GRID2: variants seen among roughly 807,000 people sequenced by gnomAD.
The protein encoded by GRID2 is glutamate receptor ionotropic, delta-2.
A neutral mutation model predicts 114.8 loss-of-function variants in GRID2; 33 were observed. The ratio of observed to expected loss-of-function variants is 0.29; its 90% CI spans 0.22 to 0.38. The LOEUF (loss-of-function observed/expected upper bound fraction) is 0.38. Ranked by LOEUF, GRID2 falls within the 10% of genes least tolerant of loss-of-function variation. The probability of loss-of-function intolerance (pLI) is 1.00; values close to 1 mark genes in which losing one functional copy is unlikely to be tolerated. For synonymous variants in GRID2, 505 were observed against 449.9 expected, an observed-to-expected ratio of 1.12 and a Z score of -1.55; for missense variants, 1,184 against 1,257.7, an observed-to-expected ratio of 0.94 and a Z score of 0.89.
Position 93,571,943 on chromosome 4 carries a change from G to A in GRID2, c.2194-54326G>A, listed in dbSNP as rs1248286376. On this transcript the variant is annotated intron_variant, in intron 13 of 15. Coordinates refer to ENST00000282020, the MANE Select transcript of GRID2 (RefSeq NM_001510.4). ...GGAAAAAAGGATAGTGGATGGATCA[G>A]GCTTAATCGCAGAAAAGGTTTCATG... Among the ~76,000 whole-genome samples, 7 of 152,092 alleles carry A rather than the reference G, an allele frequency of 4.6e-5. No homozygotes were observed. The East Asian group carries it at 1.3e-3, about 29-fold the overall frequency.
chr4:92,752,536 G>C (rs34786120), intron 2 of GRID2, among the ~76,000 whole-genome samples: 13,060 of 152,128 alleles, frequency 0.086, 636 homozygotes, highest in African/African-American at 0.13. Context: ...GTTCATGGGC[G>C]TAGAGAGATA....
chr4:93,681,931 G>A (rs1446801673), intron 14 of GRID2, among the ~76,000 whole-genome samples: 2 of 150,986 alleles, frequency 1.3e-5, no homozygotes, highest in African/African-American at 4.9e-5. Context: ...TTGACGAATG[G>A]GATCTCATTA....
chr4:93,105,338 T>C (rs1732111611), intron 3 of GRID2, among the ~76,000 whole-genome samples: 2 of 152,194 alleles, frequency 1.3e-5, no homozygotes, highest in Non-Finnish European at 2.9e-5. Flanking sequence ...AATTTTGGCT[T>C]TTGTTGCCAT....
intron 8 of GRID2, among the ~76,000 whole-genome samples, chr4:93,251,043 T>C (rs1748858919): frequency 6.6e-6 from 1 of 152,072 alleles, no homozygotes; most frequent in Non-Finnish European, 1.5e-5. Flanking sequence ...TTCTGAAAAT[T>C]GAGAATGTCC....
intron 12 of GRID2, among the ~76,000 whole-genome samples, chr4:93,506,927 A>G (rs1048882091): frequency 2.0e-5 from 3 of 152,206 alleles, no homozygotes; most frequent in African/African-American, 7.2e-5. Flanking sequence ...ACATTCCTTC[A>G]TTAGAGATTG....
intron 14 of GRID2, among the ~76,000 whole-genome samples, chr4:93,628,819 G>T (rs11097379): frequency 0.087 from 12,884 of 147,486 alleles, 932 homozygotes; most frequent in East Asian, 0.37. Flanking sequence ...AGGCTGCAGT[G>T]CAGTGGTGCG....
At chr4:92,670,924 C>G (rs1047668023) in intron 2 of GRID2, among the ~76,000 whole-genome samples, 4 of 151,960 alleles carry the variant, frequency 2.6e-5, no homozygotes, top group African/African-American at 9.7e-5. Flanking sequence ...CAGTATTGAA[C>G]AAAATAGGAT....
At chr4:93,315,621 C>A (rs1011223717) in intron 8 of GRID2, among the ~76,000 whole-genome samples, 2 of 152,124 alleles carry the variant, frequency 1.3e-5, no homozygotes, top group East Asian at 3.9e-4. Flanking sequence ...TCTTTGTCTT[C>A]TTTGTTCACT....
intron 2 of GRID2, among the ~76,000 whole-genome samples, chr4:92,869,206 G>A (rs922144432): frequency 6.6e-6 from 1 of 152,124 alleles, no homozygotes; most frequent in Non-Finnish European, 1.5e-5. Context: ...TGGTGATACT[G>A]TCATTAGCTG....
intron 8 of GRID2, among the ~76,000 whole-genome samples, chr4:93,359,843 A>ACAAAAGGGC (rs1430218301): frequency 1.5e-5 from 2 of 130,108 alleles, no homozygotes; most frequent in Non-Finnish European, 3.3e-5. Context: ...AGTAGGCATT[A>ACAAAAGGGC]CAAAAGGGCA....
chr4:93,423,904 C>A (rs1233037732), intron 10 of GRID2, among the ~76,000 whole-genome samples: 1 of 151,644 alleles, frequency 6.6e-6, no homozygotes, highest in African/African-American at 2.4e-5. Flanking sequence ...GCTTCTTTTC[C>A]TGTTTTTCTT....
At chr4:93,508,460 G>C (rs978894718) in intron 12 of GRID2, among the ~76,000 whole-genome samples, 1 of 152,026 alleles carries the variant, frequency 6.6e-6, no homozygotes, top group African/African-American at 2.4e-5. Context: ...CTCCCAAAGG[G>C]CTGGGATTAC....
At chr4:93,778,033 A>G (rs1332473467), downstream of GRID2, among the ~76,000 whole-genome samples, 1 of 152,204 alleles carries the variant, frequency 6.6e-6, no homozygotes, top group East Asian at 1.9e-4. Context: ...AAATAAACAA[A>G]TACAGCTTGC....
chr4:93,203,499 T>C (rs925798247), intron 4 of GRID2, among the ~76,000 whole-genome samples: 3 of 152,144 alleles, frequency 2.0e-5, no homozygotes, highest in African/African-American at 7.2e-5. Context: ...AAAAAGATTC[T>C]AAATATTCAA....
At chr4:92,675,808 C>A (rs1025670402) in intron 2 of GRID2, among the ~76,000 whole-genome samples, 3 of 152,018 alleles carry the variant, frequency 2.0e-5, no homozygotes, top group African/African-American at 7.2e-5. Flanking sequence ...CCCGCCTCAG[C>A]CTCCCAAAGT....
intron 3 of GRID2, among the ~76,000 whole-genome samples, chr4:93,105,262 G>C (rs1246258580): frequency 1.3e-5 from 2 of 151,968 alleles, no homozygotes; most frequent in Non-Finnish European, 2.9e-5. Context: ...TAGGTTGCCT[G>C]TTCACTCTGA....
chr4:92,596,269 C>T (rs930248730), intron 2 of GRID2, among the ~76,000 whole-genome samples: 3 of 151,916 alleles, frequency 2.0e-5, no homozygotes, highest in African/African-American at 7.3e-5. Context: ...TTCATTTATT[C>T]ACTGTTTTCA....
chr4:92,742,683 C>A (rs1365182796), intron 2 of GRID2, among the ~76,000 whole-genome samples: 1 of 152,082 alleles, frequency 6.6e-6, no homozygotes, highest in Non-Finnish European at 1.5e-5. Context: ...ACACTTCAAA[C>A]AGAAAAAGGG....
intron 1 of GRID2, among the ~76,000 whole-genome samples, chr4:92,520,636 T>C (rs1325848678): frequency 6.6e-6 from 1 of 151,972 alleles, no homozygotes; most frequent in African/African-American, 2.4e-5. Flanking sequence ...CTCCTACAGA[T>C]GCACTCTTTC....
Sources: gnomAD v4.1 joint callset for allele counts (sites outside exome capture counted in the v4.1 genomes callset) on GRCh38, gnomAD v4.1.1 for gene constraint, MANE v1.5 for transcripts, NCBI Gene and HGNC (gene_info 2026-07-23, HGNC 2026-07-21) for gene names.